SNRNP27: variants seen among roughly 807,000 people sequenced by gnomAD.
The protein encoded by SNRNP27 is small nuclear ribonucleoprotein U4/U6.U5 subunit 27.
In SNRNP27, 22 loss-of-function variants were observed where a neutral mutation model predicts 25.1. The ratio of observed to expected loss-of-function variants is 0.88; its 90% CI spans 0.63 to 1.25. The LOEUF is 1.25. SNRNP27 is among the 50% of genes most tolerant of loss of function. The pLI, the probability that SNRNP27 is intolerant of heterozygous loss-of-function variation, is 0.00. For synonymous variants in SNRNP27, 66 were observed against 64.9 expected, an observed-to-expected ratio of 1.02 and a Z score of -0.08; for missense variants, 150 against 202.3, an observed-to-expected ratio of 0.74 and a Z score of 1.57.
chr2:69,897,504 GT>G, intron 4 of SNRNP27, 48 bp downstream of exon 4: 3 of 1,322,414 alleles, frequency 2.3e-6, no homozygotes, highest in South Asian at 2.4e-5. Context: ...TGTTATGACT[GT>G]CCTATCTTTC....
rs1676740076 is a variant in SNRNP27 at position 69,903,223 on chromosome 2, GTC to G, written c.396_397del (p.Gln133GlufsTer48). 4.3e-6 allele frequency: 7 copies of G among 1,612,962 alleles called. No individual in the cohort carries two copies. The highest frequency in any genetic ancestry group is 5.9e-6 in the Non-Finnish European group (7 of 1,179,042). Reference protein sequence around the residue: ...DGSVNAYAINVSQKRKYRQYM... With the variant: ...DGSVNAYAINXSQKRKYRQYM... ...CTCTGTAAATGCCTATGCCATAAAT[GTC>G]TCTCAGAAGAGGAAGTACAGGTATG... On this transcript the variant is annotated frameshift_variant, in exon 5 of 6. Coordinates refer to ENST00000244227, the MANE Select transcript of SNRNP27 (RefSeq NM_006857.3). LOFTEE classifies it high-confidence loss of function.
In SNRNP27 at chr2:69,896,503, A is replaced by C. The variant is rs1485577402; in HGVS notation, c.223A>C (p.Lys75Gln). The C allele has an allele frequency of 1.2e-6, 2 of 1,609,852 alleles. No homozygotes were observed. The highest frequency in any genetic ancestry group is 1.7e-6 in the Non-Finnish European group (2 of 1,177,660). Residue 75 changes from lysine (K) to glutamine (Q), a missense_variant, in exon 3 of 6, where the codon AAG becomes CAG. Transcript: ENST00000244227. ...SRLKERRDEE[K>Q]KETKETKSKE... ...ACTGAAAGAAAGAAGAGATGAGGAA[A>C]AGAAAGAAACAAAAGAAACAAAGAG...
chr2:69,896,628 G>GTTAA (rs900471765), intron 3 of SNRNP27, 80 bp downstream of exon 3: 5 of 1,346,738 alleles, frequency 3.7e-6, no homozygotes, highest in Non-Finnish European at 5.0e-6. Context: ...ACATTTAAAT[G>GTTAA]TTAAGCCTTT....
intron 4 of SNRNP27, among the ~76,000 whole-genome samples, chr2:69,900,555 A>C (rs904879561): frequency 2.6e-5 from 4 of 152,228 alleles, no homozygotes; most frequent in African/African-American, 9.6e-5. Flanking sequence ...CCCCACTTCA[A>C]ATATACTGTT....
At chr2:69,901,319 C>G (rs1343940103) in intron 4 of SNRNP27, among the ~76,000 whole-genome samples, 1 of 152,052 alleles carries the variant, frequency 6.6e-6, no homozygotes. Flanking sequence ...CCAGATAGTT[C>G]AAGTTGGAGG....
rs967986295 is a variant in SNRNP27 at position 69,904,248 on chromosome 2, T to C, written c.414-6T>C. Reference sequence around the variant, plus strand: ...AAAAACAATGAATTTTCTCTTCTCATCATAGGCAGTACATGAATCGAAAAG... The same window carrying C: ...AAAAACAATGAATTTTCTCTTCTCACCATAGGCAGTACATGAATCGAAAAG... On this transcript the variant is annotated splice_region_variant and splice_polypyrimidine_tract_variant and intron_variant, in intron 5 of 5. Transcript: ENST00000244227. 3 of 1,590,228 alleles carry C rather than the reference T, an allele frequency of 1.9e-6. No individual in the cohort carries two copies. The highest frequency in any genetic ancestry group is 3.7e-5 in the Admixed American group (2 of 54,790).
intron 4 of SNRNP27, among the ~76,000 whole-genome samples, chr2:69,898,733 A>G (rs758585447): frequency 6.6e-6 from 1 of 152,202 alleles, no homozygotes; most frequent in Non-Finnish European, 1.5e-5. Context: ...TTTTGAGGTG[A>G]GAAATTAAGA....
chr2:69,902,988 G>A (rs1364443344), intron 4 of SNRNP27, among the ~76,000 whole-genome samples, 193 bp from the exon 5 acceptor site: 7 of 130,546 alleles, frequency 5.4e-5, no homozygotes, highest in Non-Finnish European at 6.2e-5. Flanking sequence ...AGTTGCCCAG[G>A]CTGGAGTGCA....
At position 69,896,497 on chromosome 2, in the gene SNRNP27, G is replaced by C. The variant is rs753224735; in HGVS notation, c.217G>C (p.Glu73Gln). The stretch of plus-strand genomic sequence containing the variant: ...TTCTCGACTGAAAGAAAGAAGAGAT[G>C]AGGAAAAGAAAGAAACAAAAGAAAC... ...SPSRLKERRD[E>Q]EKKETKETKS... is the part of the protein sequence containing the mutation. The change falls in exon 3 of 6, where the codon GAG (glutamate) becomes CAG (glutamine). Residue 73 changes from glutamate (E) to glutamine (Q), a missense_variant. By Grantham distance (29) the Glu-to-Gln change is conservative. This residue lies in a region of SNRNP27 where 142 missense variants were observed against 168.6 expected (regional missense o/e 0.84). Transcript: ENST00000244227. 7.5e-6 allele frequency: 12 copies of C among 1,610,002 alleles called. No individual in the cohort carries two copies. The East Asian group carries it at 2.7e-4, about 36-fold the overall frequency.
intron 5 of SNRNP27, 27 bp from the exon 6 acceptor site, chr2:69,904,227 A>AG: frequency 6.4e-7 from 1 of 1,551,100 alleles, no homozygotes. Flanking sequence ...TTAAAAAAAA[A>AG]CAATGAATTT....
chr2:69,899,782 T>C (rs1336038504), intron 4 of SNRNP27, among the ~76,000 whole-genome samples: 1 of 152,076 alleles, frequency 6.6e-6, no homozygotes, highest in Non-Finnish European at 1.5e-5. Flanking sequence ...CATACTGGAG[T>C]ACAGTGGTAT....
intron 1 of SNRNP27, among the ~76,000 whole-genome samples, chr2:69,894,844 G>A (rs1232420048): frequency 1.3e-5 from 2 of 152,044 alleles, no homozygotes; most frequent in African/African-American, 4.8e-5. Context: ...ACCACGCCTG[G>A]CTAATTTTTG....
chr2:69,902,437 C>CCTTCTGCTGCTCTTGCTTCTTCTTCGG (rs1427385132), intron 4 of SNRNP27, among the ~76,000 whole-genome samples: 2 of 151,800 alleles, frequency 1.3e-5, no homozygotes, highest in African/African-American at 4.8e-5. Flanking sequence ...TTCTGCTGCT[C>CCTTCTGCTGCTCTTGCTTCTTCTTCGG]CTTCTGCTGC....
intron 4 of SNRNP27, among the ~76,000 whole-genome samples, chr2:69,902,938 CTTTTTTTTTT>C (rs761833954): frequency 1.4e-4 from 13 of 92,410 alleles, no homozygotes; most frequent in Admixed American, 4.0e-4. Flanking sequence ...TCTTCTTCTT[CTTTTTTTTTT>C]TTTTTTTTTT....
At chr2:69,896,675 GGT>G in intron 3 of SNRNP27, 127 bp downstream of exon 3, 1 of 903,368 alleles carries the variant, frequency 1.1e-6, no homozygotes, top group African/African-American at 2.1e-5. Flanking sequence ...AGTTTTTTTT[GGT>G]TTTTTTTTTT....
chr2:69,903,006 G>T lies in SNRNP27; in HGVS notation c.349-175G>T, dbSNP rs184289023. On this transcript the variant is annotated intron_variant, in intron 4 of 5. Transcript: ENST00000244227. ...TGCCCAGGCTGGAGTGCATTGGTGTGATTATGGCTACTTGCAGTCCCAAAC... is the reference window on the plus strand; with the variant it reads ...TGCCCAGGCTGGAGTGCATTGGTGTTATTATGGCTACTTGCAGTCCCAAAC... Among the ~76,000 whole-genome samples, 9 of 131,428 alleles carry T rather than the reference G, an allele frequency of 6.8e-5. No individual in the cohort carries two copies. The East Asian group carries it at 2.1e-3, about 31-fold the overall frequency. The allele number at this position is 131,428 out of a possible 152,430, so 86.2% of individuals were successfully genotyped here.
At chr2:69,894,807 G>A (rs545464246) in intron 1 of SNRNP27, among the ~76,000 whole-genome samples, 1 of 152,116 alleles carries the variant, frequency 6.6e-6, no homozygotes, top group South Asian at 2.1e-4. Flanking sequence ...TCAGCCTTCC[G>A]AGTAGCTGGG....
rs1428487952 is a variant in SNRNP27, at chr2:69,896,429, A to ATAT, written c.156-4_156-2dup. On this transcript the variant is annotated splice_polypyrimidine_tract_variant and splice_region_variant and intron_variant, in intron 2 of 5. Coordinates refer to ENST00000244227, the MANE Select transcript of SNRNP27 (RefSeq NM_006857.3). ...CTGTTTCTAACATCTTTGCTTATAA[A>ATAT]TATTAGATCTCCAAGACGACATAGA... is the stretch of plus-strand genomic sequence containing the variant. 1 of 1,610,970 alleles carries ATAT rather than the reference A, an allele frequency of 6.2e-7. No individual in the cohort carries two copies.
chr2:69,895,190 G>T lies in SNRNP27; in HGVS notation c.131G>T (p.Arg44Leu). 1 of 1,614,148 alleles carries T rather than the reference G, an allele frequency of 6.2e-7. No individual in the cohort carries two copies. Among genetic ancestry groups the T allele is most frequent in the Non-Finnish European group, 8.5e-7 (1 of 1,180,012 alleles). Residue 44 changes from arginine (R) to leucine (L), a missense_variant, in exon 2 of 6, where the codon CGA becomes CTA. Arg to Leu is a moderately radical substitution (Grantham distance 102). Coordinates refer to ENST00000244227, the MANE Select transcript of SNRNP27 (RefSeq NM_006857.3). ...AGAGATCGGAGAAGGAGCCGCTCGC[G>T]ATCCCCGCACCGAAGACGCTCCCGG... is the stretch of plus-strand genomic sequence containing the variant. ...RERDRRRSRS[R>L]SPHRRRSRSP...
Sources: allele counts gnomAD v4.1 joint callset (sites outside exome capture counted in the v4.1 genomes callset), GRCh38; gene constraint gnomAD v4.1.1; regional missense constraint gnomAD v4.1.1; transcripts MANE v1.5; gene names NCBI Gene and HGNC (gene_info 2026-07-23, HGNC 2026-07-21).